RDH12: variants seen among roughly 807,000 people sequenced by gnomAD.
RDH12 encodes the protein all-trans and 9-cis retinol dehydrogenase.
Under a neutral mutation model 34.0 loss-of-function variants are expected in RDH12, and 21 were observed. That is an observed-to-expected ratio of 0.62 (90% CI 0.44 to 0.89). The LOEUF (loss-of-function observed/expected upper bound fraction) is 0.89, where lower values mean the gene tolerates loss of function less well. Ranked by LOEUF, RDH12 falls within the 40% of genes least tolerant of loss-of-function variation. RDH12 has a pLI of 0.00. For synonymous variants in RDH12, 198 were observed against 169.9 expected, an observed-to-expected ratio of 1.17 and a Z score of -1.29; for missense variants, 394 against 398.6, an observed-to-expected ratio of 0.99 and a Z score of 0.10.
At chr14:67,703,243 A>G (rs1164755061) in intron 1 of RDH12, among the ~76,000 whole-genome samples, 5 of 152,212 alleles carry the variant, frequency 3.3e-5, no homozygotes, top group Non-Finnish European at 1.5e-5. Context: ...ACATGGCTAA[A>G]TTTTATTTGT....
chr14:67,712,493 C>CAAAAAAAAAAAAAAAAAAAA (rs79758974), intron 1 of RDH12, among the ~76,000 whole-genome samples: 2 of 38,930 alleles, frequency 5.1e-5, no homozygotes, highest in East Asian at 9.0e-4. Context: ...AAAAAACTTG[C>CAAAAAAAAAAAAAAAAAAAA]AAAAAAAAAA....
chr14:67,726,923 C>A, intron 6 of RDH12, 58 bp from the exon 7 acceptor site: 1 of 1,512,336 alleles, frequency 6.6e-7, no homozygotes. Context: ...TTGGCTCCCA[C>A]ATGCTGAGCC....
At chr14:67,717,057 A>G (rs1277165796) in intron 1 of RDH12, among the ~76,000 whole-genome samples, 2 of 152,166 alleles carry the variant, frequency 1.3e-5, no homozygotes, top group Non-Finnish European at 2.9e-5. Context: ...AAACTAAATT[A>G]CAGACATCGG....
chr14:67,706,899 A>G (rs962845937), intron 1 of RDH12, among the ~76,000 whole-genome samples: 2 of 152,158 alleles, frequency 1.3e-5, no homozygotes, highest in Non-Finnish European at 2.9e-5. Flanking sequence ...AGCAAAGCTC[A>G]TTTTTAGAAG....
chr14:67,705,011 C>A (rs12882315), intron 1 of RDH12, among the ~76,000 whole-genome samples: 19,201 of 152,144 alleles, frequency 0.13, 1,477 homozygotes, highest in South Asian at 0.33. Context: ...ACTCTGAAAT[C>A]CTGTCAGCTA....
intron 4 of RDH12, 70 bp downstream of exon 4, chr14:67,724,661 A>G (rs914191477): frequency 4.2e-6 from 5 of 1,177,466 alleles, no homozygotes; most frequent in African/African-American, 1.5e-5. Context: ...GCCTCTGTCC[A>G]TATTGCTTTG....
chr14:67,704,446 G>A (rs1344532217), intron 1 of RDH12, among the ~76,000 whole-genome samples: 1 of 152,068 alleles, frequency 6.6e-6, no homozygotes, highest in African/African-American at 2.4e-5. Context: ...TCAACTGTGT[G>A]TGCAAATAAA....
rs759801018 is a variant in RDH12 at position 67,725,162 on chromosome 14, G to A, written c.251G>A (p.Arg84Gln). 36 of 1,614,016 alleles carry A rather than the reference G, an allele frequency of 2.2e-5. No homozygotes were observed. The highest frequency in any genetic ancestry group is 6.7e-5 in the East Asian group (3 of 44,896). ...LKGESAASEIRVDTKNSQVLV... is the reference protein window; with the variant it reads ...LKGESAASEIQVDTKNSQVLV... ...GGGGAGTCTGCTGCCAGTGAAATCC[G>A]AGTGGATACAAAGAACTCCCAGGTG... The change falls in exon 5 of 9, where the codon CGA becomes CAA. Residue 84 changes from arginine to glutamine, a missense_variant. Arg to Gln is a conservative substitution (Grantham distance 43). Transcript: ENST00000551171.
intron 1 of RDH12, among the ~76,000 whole-genome samples, chr14:67,705,249 G>A (rs1011456252): frequency 2.0e-5 from 3 of 152,214 alleles, no homozygotes; most frequent in African/African-American, 7.2e-5. Flanking sequence ...CAATACAGAG[G>A]TTACAGTCCT....
chr14:67,709,429 CATAACCTTT>C (rs1046395446), intron 1 of RDH12, among the ~76,000 whole-genome samples: 3 of 152,224 alleles, frequency 2.0e-5, no homozygotes, highest in African/African-American at 7.2e-5. Context: ...ATAAGCCTTT[CATAACCTTT>C]ATAACCTTTA....
rs368133299 is a variant in RDH12, at chr14:67,727,144, G to A, written c.612G>A (p.Lys204=). 1.2e-6 allele frequency: 2 copies of A among 1,614,110 alleles called. No homozygotes were observed. The highest frequency in any genetic ancestry group is 1.7e-6 in the Non-Finnish European group (2 of 1,180,020). The part of the protein sequence containing the change: ...YSRGFAYCHS[K]LANVLFTREL... ...GGGGTTTTGCCTATTGCCACAGCAAGCTGGCCAATGTGCTTTTTACTCGTG... is the reference window on the plus strand; with the variant it reads ...GGGGTTTTGCCTATTGCCACAGCAAACTGGCCAATGTGCTTTTTACTCGTG... The change falls in exon 7 of 9, where the codon AAG becomes AAA. Residue 204 remains lysine (K), a synonymous_variant. Transcript: ENST00000551171.
intron 1 of RDH12, among the ~76,000 whole-genome samples, chr14:67,711,797 G>C (rs1001229397): frequency 1.6e-4 from 24 of 152,112 alleles, no homozygotes; most frequent in African/African-American, 5.6e-4. Flanking sequence ...ACACCATAAG[G>C]TACAAAGAGA....
intron 1 of RDH12, among the ~76,000 whole-genome samples, chr14:67,712,493 C>CAAAAAAAAAAAAAAAAAAAAAAA (rs79758974): frequency 1.0e-4 from 4 of 38,924 alleles, no homozygotes; most frequent in Non-Finnish European, 3.0e-4. Flanking sequence ...AAAAAACTTG[C>CAAAAAAAAAAAAAAAAAAAAAAA]AAAAAAAAAA....
At chr14:67,722,992 A>T (rs561241786) in intron 3 of RDH12, among the ~76,000 whole-genome samples, 1 of 152,212 alleles carries the variant, frequency 6.6e-6, no homozygotes, top group African/African-American at 2.4e-5. Flanking sequence ...AAGTAGCTCA[A>T]CAAACACCTT....
intron 2 of RDH12, among the ~76,000 whole-genome samples, chr14:67,721,504 C>T (rs961619326): frequency 3.3e-5 from 5 of 152,112 alleles, no homozygotes; most frequent in African/African-American, 9.7e-5. Context: ...ACCTTGGGCT[C>T]TTTACCAGCA....
chr14:67,708,478 GACA>G (rs1317838014), intron 1 of RDH12, among the ~76,000 whole-genome samples: 1 of 152,070 alleles, frequency 6.6e-6, no homozygotes, highest in South Asian at 2.1e-4. Context: ...ACCAAAACAA[GACA>G]ACAATTGTCT....
chr14:67,720,648 G>C (rs2140134792), intron 1 of RDH12, among the ~76,000 whole-genome samples, 200 bp from the exon 2 acceptor site: 1 of 152,166 alleles, frequency 6.6e-6, no homozygotes, highest in African/African-American at 2.4e-5. Flanking sequence ...TCTATTTCTT[G>C]CCTTTCCATT....
intron 8 of RDH12, 152 bp downstream of exon 8, chr14:67,729,532 A>G: frequency 1.3e-6 from 1 of 752,664 alleles, no homozygotes; most frequent in Non-Finnish European, 2.3e-6. Flanking sequence ...TGCTTTGTTA[A>G]GGAAACTTAC....
At chr14:67,703,206 T>C (rs2037918678) in intron 1 of RDH12, among the ~76,000 whole-genome samples, 1 of 152,204 alleles carries the variant, frequency 6.6e-6, no homozygotes, top group African/African-American at 2.4e-5. Flanking sequence ...TAAATTATTT[T>C]TGGAAAAAAT....
Sources: allele counts gnomAD v4.1 joint callset (sites outside exome capture counted in the v4.1 genomes callset), GRCh38; gene constraint gnomAD v4.1.1; transcripts MANE v1.5; gene names NCBI Gene and HGNC (gene_info 2026-07-23, HGNC 2026-07-21).